The following GTF3C4 variants were observed in gnomAD, a reference collection of about 807,000 sequenced individuals.
GTF3C4 encodes the protein general transcription factor 3C polypeptide 4.
GTF3C4 carries 28 observed loss-of-function variants against 67.5 expected under a neutral mutation model. That is an observed-to-expected ratio of 0.41 (90% CI 0.31 to 0.57). GTF3C4 has a LOEUF of 0.57. GTF3C4 is among the 20% of genes least tolerant of loss of function. The pLI is 0.21. For missense variants in GTF3C4, 831 were observed against 1,033.2 expected (o/e 0.80, Z 2.68); for synonymous variants, 409 against 393.0 (o/e 1.04, Z -0.48).
intron 1 of GTF3C4, 41 bp from the exon 2 acceptor site, chr9:132,677,936 G>A (rs772574951): frequency 1.4e-5 from 21 of 1,525,290 alleles, no homozygotes; most frequent in Non-Finnish European, 9.7e-6. Context: ...ATCTCCTTGA[G>A]TAAATGCTCA....
chr9:132,670,520 G>GGGT lies in GTF3C4; in HGVS notation c.-76_-74dup, dbSNP rs1350230766. 1.4e-5 allele frequency: 16 copies of GGGT among 1,158,256 alleles called. No homozygotes were observed. In the South Asian group the frequency reaches 2.6e-4, roughly 19 times the overall value. 71.7% of individuals were successfully genotyped at this position (1,158,256 alleles called of 1,614,324 possible). A position where few individuals can be genotyped will look rare whatever the true frequency, so the allele number is the denominator to read the frequency against. ...AGAAAACCGCCGCGGAGGGCGCTGG[G>GGGT]GGTGGCGGCGGCGGTCCGGGAGGTG... On this transcript the variant is annotated 5_prime_UTR_variant, in exon 1 of 5. Coordinates refer to ENST00000372146, the MANE Select transcript of GTF3C4 (RefSeq NM_012204.4).
upstream of GTF3C4, chr9:132,670,159 G>C: frequency 6.3e-7 from 1 of 1,594,582 alleles, no homozygotes; most frequent in Non-Finnish European, 8.6e-7. Flanking sequence ...CCCTCTCTGC[G>C]TCCCTCGCGG....
intron 4 of GTF3C4, among the ~76,000 whole-genome samples, chr9:132,688,293 A>G (rs1191888570): frequency 1.3e-5 from 2 of 152,346 alleles, no homozygotes; most frequent in Non-Finnish European, 1.5e-5. Flanking sequence ...TTTTACTGCA[A>G]TTGATAATGG....
rs1020110450 is a variant in GTF3C4 at position 132,670,641 on chromosome 9, G to A, written c.43G>A (p.Gly15Arg). ...GGCCCGGGTGGGGCCCGCGGACGAC[G>A]GGCCTGCGCCGTCTGGGGAGGAGGA... Reference protein sequence around the residue: ...DQARVGPADDGPAPSGEEEGE... With the variant: ...DQARVGPADDRPAPSGEEEGE... Residue 15 changes from glycine (G) to arginine (R), a missense_variant, in exon 1 of 5, where the codon GGG becomes AGG. This residue lies in a region of GTF3C4 where 237 missense variants were observed against 212.7 expected (regional missense o/e 1.11). Transcript: ENST00000372146. The A allele has an allele frequency of 4.1e-6, 6 of 1,450,760 alleles. No individual in the cohort carries two copies. Among genetic ancestry groups the A allele is most frequent in the African/African-American group, 3.0e-5 (2 of 67,620 alleles). The allele number at this position is 1,450,760 out of a possible 1,614,324, so 89.9% of individuals were successfully genotyped here.
rs1299488738 is a variant in GTF3C4 at position 132,689,992 on chromosome 9, C to T, written c.*1047C>T. Reference sequence around the variant, plus strand: ...ATATTTGGAATCCAGGTTCTGCCCCCAACCCCTACCCACCCAGTGGTCTGT... The same window carrying T: ...ATATTTGGAATCCAGGTTCTGCCCCTAACCCCTACCCACCCAGTGGTCTGT... On this transcript the variant is annotated 3_prime_UTR_variant, in exon 5 of 5. Coordinates refer to ENST00000372146, the MANE Select transcript of GTF3C4 (RefSeq NM_012204.4). 1 of 152,276 alleles carries T rather than the reference C, an allele frequency of 6.6e-6. No homozygotes were observed. The highest frequency in any genetic ancestry group is 2.4e-5 in the African/African-American group (1 of 41,444). The allele number at this position is 152,276 out of a possible 1,614,324, so 9.4% of individuals were successfully genotyped here.
upstream of GTF3C4, chr9:132,670,325 T>G: frequency 6.8e-7 from 1 of 1,463,360 alleles, no homozygotes; most frequent in Admixed American, 2.5e-5. Flanking sequence ...TCTGGGTAGC[T>G]CCCTAACAGG....
chr9:132,690,080 G>GCAAAGGCC lies in GTF3C4; in HGVS notation c.*1142_*1143insCCAAAGGC, dbSNP rs1198338545. 1 of 152,336 alleles carries GCAAAGGCC rather than the reference G, an allele frequency of 6.6e-6. No individual in the cohort carries two copies. The highest frequency in any genetic ancestry group is 2.4e-5 in the African/African-American group (1 of 41,458). The allele number at this position is 152,336 out of a possible 1,614,324, so 9.4% of individuals were successfully genotyped here. A position where few individuals can be genotyped will look rare whatever the true frequency, so the allele number is the denominator to read the frequency against. On this transcript the variant is annotated 3_prime_UTR_variant, in exon 5 of 5. Transcript: ENST00000372146. ...GCCTGTACTCTCAACACTTTGGGAA[G>GCAAAGGCC]CAAAGGCAGGCAGATCACAAGGTCA... is the stretch of plus-strand genomic sequence containing the variant.
In GTF3C4 at chr9:132,671,542, C is replaced by T. The variant is rs77757516; in HGVS notation, c.357+587C>T. ...TCTCGGGGTTTGTACTTTAGTTTTT[C>T]TTTACTAGCTAAACATCTTTGGGAT... On this transcript the variant is annotated intron_variant, in intron 1 of 4. Transcript: ENST00000372146. Among the ~76,000 whole-genome samples the T allele has an allele frequency of 8.5e-5, 13 of 152,244 alleles. No homozygotes were observed. In the East Asian group the frequency reaches 2.5e-3, roughly 29 times the overall value.
rs1564355784 is a variant in GTF3C4, at chr9:132,679,108, A to G, written c.1489A>G (p.Met497Val). The G allele has an allele frequency of 5.0e-6, 8 of 1,614,202 alleles. No individual in the cohort carries two copies. The Middle Eastern group carries it at 4.9e-4, about 100-fold the overall frequency. The change falls in exon 2 of 5, where the codon ATG becomes GTG. Residue 497 changes from methionine (M) to valine (V), a missense_variant. Met to Val is a conservative substitution (Grantham distance 21). Coordinates refer to ENST00000372146, the MANE Select transcript of GTF3C4 (RefSeq NM_012204.4). The surrounding 1 kb of genome is among the most constrained non-coding windows in gnomAD (Gnocchi z 5.9). ...CCTGGCCATCATCACCACTGAGGGC[A>G]TGATCAACGGCCTCCACCCTGTTAA... ...AYLAIITTEG[M>V]INGLHPVNKN...
intron 2 of GTF3C4, among the ~76,000 whole-genome samples, chr9:132,680,817 G>A (rs1029345530): frequency 1.3e-5 from 2 of 152,206 alleles, no homozygotes; most frequent in Non-Finnish European, 2.9e-5. Context: ...TTCTTTAAAA[G>A]TTAACTTTTG....
At chr9:132,672,891 T>TA (rs1360750739) in intron 1 of GTF3C4, among the ~76,000 whole-genome samples, 1 of 152,042 alleles carries the variant, frequency 6.6e-6, no homozygotes, top group Non-Finnish European at 1.5e-5. Flanking sequence ...AAGGTGAAAA[T>TA]ATAATGAGTT....
At chr9:132,671,031 C>T in intron 1 of GTF3C4, 76 bp downstream of exon 1, 5 of 983,842 alleles carry the variant, frequency 5.1e-6, no homozygotes, top group Non-Finnish European at 6.4e-6. Flanking sequence ...CCAGGGGAAT[C>T]CGATCCCACA....
At position 132,676,387 on chromosome 9, in the gene GTF3C4, C is replaced by T. The variant is rs557952401; in HGVS notation, c.358-1590C>T. On this transcript the variant is annotated intron_variant, in intron 1 of 4. Coordinates refer to ENST00000372146, the MANE Select transcript of GTF3C4 (RefSeq NM_012204.4). ...AGGCTGGAGTGCAGTGGCGCAATCT[C>T]GGCTCACTTCAACCTCTGCCTCCCA... Among the ~76,000 whole-genome samples, 3 of 149,390 alleles carry T rather than the reference C, an allele frequency of 2.0e-5. No individual in the cohort carries two copies. The East Asian group carries it at 5.9e-4, about 29-fold the overall frequency.
Position 132,694,024 on chromosome 9 carries a change from A to C in GTF3C4, c.*5079A>C, listed in dbSNP as rs941015985. On this transcript the variant is annotated 3_prime_UTR_variant, in exon 5 of 5. Transcript: ENST00000372146. The stretch of plus-strand genomic sequence containing the variant: ...GACTTTTTTTTGAAATAAACAGAAC[A>C]GTCATCTAAAAACATAAGGTTTTGG... 1 of 152,184 alleles carries C rather than the reference A, an allele frequency of 6.6e-6. No individual in the cohort carries two copies. Among genetic ancestry groups the C allele is most frequent in the Non-Finnish European group, 1.5e-5 (1 of 68,028 alleles). The allele number at this position is 152,184 out of a possible 1,614,324, so 9.4% of individuals were successfully genotyped here. A position where few individuals can be genotyped will look rare whatever the true frequency, so the allele number is the denominator to read the frequency against.
chr9:132,691,217 CAGG>C lies in GTF3C4; in HGVS notation c.*2275_*2277del, dbSNP rs1273821914. The stretch of plus-strand genomic sequence containing the variant: ...AGGTTAAGCTACAGAGCTGGGGAAA[CAGG>C]AGATTTTGAGTTAATGGCAGCCTCA... On this transcript the variant is annotated 3_prime_UTR_variant, in exon 5 of 5. Transcript: ENST00000372146. The C allele has an allele frequency of 2.0e-5, 3 of 152,386 alleles. No homozygotes were observed. The highest frequency in any genetic ancestry group is 2.1e-4 in the South Asian group (1 of 4,826). 9.4% of individuals were successfully genotyped at this position (152,386 alleles called of 1,614,324 possible).
chr9:132,683,756 G>A, intron 3 of GTF3C4, 63 bp downstream of exon 3: 1 of 1,461,150 alleles, frequency 6.8e-7, no homozygotes, highest in East Asian at 2.4e-5. Flanking sequence ...ACAAACTACT[G>A]TATGTGACAG....
chr9:132,670,927 C>T lies in GTF3C4; in HGVS notation c.329C>T (p.Pro110Leu). Residue 110 changes from proline (P) to leucine (L), a missense_variant, in exon 1 of 5, where the codon CCC (proline) becomes CTC (leucine). Around this residue, in one of 4 missense-constraint regions of GTF3C4, gnomAD observed 237 missense variants for 212.7 expected, o/e 1.11. Coordinates refer to ENST00000372146, the MANE Select transcript of GTF3C4 (RefSeq NM_012204.4). Reference sequence around the variant, plus strand: ...CTGGTTATCCACCGCACCTCGGTGCCCGCACCGCTCAACAGCTGTCTCCTC... The same window carrying T: ...CTGGTTATCCACCGCACCTCGGTGCTCGCACCGCTCAACAGCTGTCTCCTC... ...QDLVIHRTSVPAPLNSCLLKV... is the reference protein window; with the variant it reads ...QDLVIHRTSVLAPLNSCLLKV... The T allele has an allele frequency of 6.2e-7, 1 of 1,611,238 alleles. No individual in the cohort carries two copies. The highest frequency in any genetic ancestry group is 8.5e-7 in the Non-Finnish European group (1 of 1,178,738).
At chr9:132,685,604 C>G (rs867686023) in intron 3 of GTF3C4, among the ~76,000 whole-genome samples, 1 of 151,908 alleles carries the variant, frequency 6.6e-6, no homozygotes, top group Non-Finnish European at 1.5e-5. Context: ...CCTCCTGCCT[C>G]AGCCTCCTGA....
rs56402111 is a variant in GTF3C4 at position 132,681,966 on chromosome 9, TAAAAAAAAAA to T, written c.2185-1582_2185-1573del. ...GGTGAGACCCTGTCTCTACATAAAG[TAAAAAAAAAA>T]AAAAAAAAAAAAAATTATCCTGGTG... On this transcript the variant is annotated intron_variant, in intron 2 of 4. Transcript: ENST00000372146. Among the ~76,000 whole-genome samples, 7 of 114,732 alleles carry T rather than the reference TAAAAAAAAAA, an allele frequency of 6.1e-5. No individual in the cohort carries two copies. In the East Asian group the frequency reaches 1.5e-3, roughly 25 times the overall value. 75.3% of individuals were successfully genotyped at this position (114,732 alleles called of 152,430 possible). A position where few individuals can be genotyped will look rare whatever the true frequency, so the allele number is the denominator to read the frequency against.
Sources: gnomAD v4.1 joint callset for allele counts (sites outside exome capture counted in the v4.1 genomes callset) on GRCh38, gnomAD v4.1.1 for gene constraint, gnomAD v4.1.1 regional missense constraint, Gnocchi (gnomAD v3.1) non-coding constraint, MANE v1.5 for transcripts, NCBI Gene and HGNC (gene_info 2026-07-23, HGNC 2026-07-21) for gene names.